The following CLIC5 variants were observed in gnomAD, a reference collection of about 807,000 sequenced individuals.
CLIC5 encodes chloride intracellular channel protein 5.
Under a neutral mutation model 24.7 loss-of-function variants are expected in CLIC5, and 20 were observed. The ratio of observed to expected loss-of-function variants is 0.81; its 90% CI spans 0.57 to 1.18. The LOEUF is 1.18. CLIC5 is among the 50% of genes most tolerant of loss of function. CLIC5 has a pLI of 0.00. For missense variants in CLIC5, 341 were observed against 326.1 expected, an observed-to-expected ratio of 1.05 and a Z score of -0.35; for synonymous variants, 159 against 135.6, an observed-to-expected ratio of 1.17 and a Z score of -1.20.
intron 4 of CLIC5, among the ~76,000 whole-genome samples, chr6:45,930,455 G>A (rs1158249855): frequency 2.0e-5 from 3 of 152,182 alleles, no homozygotes; most frequent in African/African-American, 7.2e-5. Context: ...GACAGATAAT[G>A]GAAGGTGGCT....
chr6:46,119,178 G>A, the CLIC5 span, among the ~76,000 whole-genome samples: 30 of 152,202 alleles, frequency 2.0e-4, no homozygotes, highest in Non-Finnish European at 4.1e-4. Context: ...TGTTGGTCAA[G>A]CCACTAAGTT....
At chr6:45,893,007 C>T (rs1762366231) in intron 6 of CLIC5, among the ~76,000 whole-genome samples, 1 of 152,194 alleles carries the variant, frequency 6.6e-6, no homozygotes, top group South Asian at 2.1e-4. Flanking sequence ...TCTTCCTCAA[C>T]ACCCTTATAC....
intron 4 of CLIC5, among the ~76,000 whole-genome samples, chr6:45,917,382 C>T (rs1432389469): frequency 6.6e-6 from 1 of 152,210 alleles, no homozygotes; most frequent in African/African-American, 2.4e-5. Context: ...TCCTCCTGTT[C>T]TCTGTTCCTT....
chr6:46,116,856 T>A, the CLIC5 span, among the ~76,000 whole-genome samples: 1 of 152,138 alleles, frequency 6.6e-6, no homozygotes, highest in South Asian at 2.1e-4. Context: ...TGCTCCTGCA[T>A]CCACTGCAGG....
intron 1 of CLIC5, among the ~76,000 whole-genome samples, chr6:46,050,842 A>AGTGTGTGT (rs1362299564): frequency 1.1e-5 from 1 of 93,194 alleles, no homozygotes; most frequent in South Asian, 3.8e-4. Flanking sequence ...TAAGGTATAA[A>AGTGTGTGT]GTGTGTGTGT....
intron 5 of CLIC5, among the ~76,000 whole-genome samples, chr6:45,907,638 G>C (rs140406914): frequency 6.6e-6 from 1 of 152,094 alleles, no homozygotes; most frequent in Non-Finnish European, 1.5e-5. Context: ...ATTCAGCTGT[G>C]AATCCACCTA....
At chr6:45,912,536 G>T in intron 5 of CLIC5, 1 of 1,376,552 alleles carries the variant, frequency 7.3e-7, no homozygotes, top group Non-Finnish European at 9.5e-7. Flanking sequence ...GGAAAAGAAG[G>T]CAAGAAGGAA....
At chr6:46,111,055 G>GT in the CLIC5 span, among the ~76,000 whole-genome samples, 3 of 152,020 alleles carry the variant, frequency 2.0e-5, no homozygotes, top group Non-Finnish European at 4.4e-5. Context: ...TAGTTTTTTA[G>GT]TTTTTACAAT....
the CLIC5 span, among the ~76,000 whole-genome samples, chr6:46,125,660 C>G: frequency 2.0e-5 from 3 of 151,702 alleles, no homozygotes; most frequent in South Asian, 6.3e-4. Context: ...AGTGAAAAGT[C>G]CAAGGATGGA....
chr6:46,100,967 G>A, the CLIC5 span, among the ~76,000 whole-genome samples: 1 of 152,176 alleles, frequency 6.6e-6, no homozygotes, highest in East Asian at 1.9e-4. Flanking sequence ...TCAGGTGATG[G>A]TGGCAGGACA....
chr6:45,959,504 G>A lies in CLIC5; in HGVS notation c.64-4260C>T, dbSNP rs191516821. On this transcript the variant is annotated intron_variant, in intron 1 of 5. Coordinates refer to ENST00000339561, the MANE Select transcript of CLIC5 (RefSeq NM_016929.5). ...CATTTAATCTCTTGGTATTTAGTTG[G>A]GGTATATGGGGCTTTTGTTGTTGTT... Among the ~76,000 whole-genome samples, 3 of 152,250 alleles carry A rather than the reference G, an allele frequency of 2.0e-5. No individual in the cohort carries two copies. The East Asian group carries it at 5.8e-4, about 29-fold the overall frequency.
chr6:46,017,144 C>T (rs1381817549), upstream of CLIC5, among the ~76,000 whole-genome samples: 1 of 152,210 alleles, frequency 6.6e-6, no homozygotes, highest in African/African-American at 2.4e-5. Context: ...CACCAACAGA[C>T]ATTCCCACCC....
intron 1 of CLIC5, among the ~76,000 whole-genome samples, chr6:45,991,545 G>GT (rs1267233672): frequency 1.3e-5 from 2 of 152,222 alleles, no homozygotes; most frequent in Non-Finnish European, 2.9e-5. Context: ...CGTAGAAACT[G>GT]TGAGATAAGA....
At chr6:45,896,025 G>C (rs539206486), downstream of CLIC5, among the ~76,000 whole-genome samples, 1 of 152,250 alleles carries the variant, frequency 6.6e-6, no homozygotes, top group Non-Finnish European at 1.5e-5. Flanking sequence ...CAAATTTTGA[G>C]TATGCTTTAC....
At chr6:45,891,798 CTT>C (rs1762350582) in intron 6 of CLIC5, among the ~76,000 whole-genome samples, 1 of 152,060 alleles carries the variant, frequency 6.6e-6, no homozygotes, top group Admixed American at 6.6e-5. Flanking sequence ...ATTGCAATGA[CTT>C]TTGAATTGCA....
intron 1 of CLIC5, among the ~76,000 whole-genome samples, chr6:46,007,071 G>T (rs890830606): frequency 3.9e-5 from 6 of 152,144 alleles, no homozygotes; most frequent in African/African-American, 1.2e-4. Context: ...CTGAGCAGAA[G>T]TTCAGATAAA....
the CLIC5 span, among the ~76,000 whole-genome samples, chr6:46,123,444 G>C: frequency 1.3e-5 from 2 of 152,118 alleles, no homozygotes; most frequent in African/African-American, 4.8e-5. Flanking sequence ...AAAATAATAA[G>C]AGCTATTTAT....
chr6:46,082,170 T>C (rs982435586), upstream of CLIC5, among the ~76,000 whole-genome samples: 9 of 152,212 alleles, frequency 5.9e-5, no homozygotes, highest in Non-Finnish European at 1.3e-4. Flanking sequence ...TGTTTCATTC[T>C]GCATTATTAC....
chr6:45,971,032 C>T (rs961800301), intron 1 of CLIC5, among the ~76,000 whole-genome samples: 1 of 152,228 alleles, frequency 6.6e-6, no homozygotes, highest in African/African-American at 2.4e-5. Context: ...CATTGGTGGA[C>T]TCCAAAATAA....
Sources: allele counts gnomAD v4.1 joint callset (sites outside exome capture counted in the v4.1 genomes callset), GRCh38; gene constraint gnomAD v4.1.1; transcripts MANE v1.5; gene names NCBI Gene and HGNC (gene_info 2026-07-23, HGNC 2026-07-21).